The following PDLIM5 variants were observed in gnomAD, a reference collection of about 807,000 sequenced individuals.
PDLIM5 encodes the protein PDZ and LIM domain protein 5.
Under a neutral mutation model 64.2 loss-of-function variants are expected in PDLIM5, and 34 were observed. The ratio of observed to expected loss-of-function variants is 0.53; its 90% CI spans 0.40 to 0.71. The LOEUF is 0.71. Among genes scored for constraint, PDLIM5 ranks in the 30% least tolerant of loss-of-function variants. PDLIM5 has a pLI of 0.00. For missense variants in PDLIM5, 683 were observed against 733.6 expected, an observed-to-expected ratio of 0.93 and a Z score of 0.80; for synonymous variants, 253 against 269.1, an observed-to-expected ratio of 0.94 and a Z score of 0.59.
chr4:94,662,234 G>GA (rs1742790806), intron 11 of PDLIM5, among the ~76,000 whole-genome samples, 188 bp from the exon 12 acceptor site: 1 of 129,336 alleles, frequency 7.7e-6, no homozygotes, highest in African/African-American at 2.5e-5. Flanking sequence ...TATACCAAGG[G>GA]AATCCTGAAA....
intron 2 of PDLIM5, among the ~76,000 whole-genome samples, chr4:94,518,524 G>A (rs1345476994): frequency 1.3e-5 from 2 of 152,118 alleles, no homozygotes; most frequent in Non-Finnish European, 2.9e-5. Flanking sequence ...GTATGTGGAG[G>A]CTAAGCATTT....
chr4:94,580,219 G>T (rs560092230), intron 5 of PDLIM5, among the ~76,000 whole-genome samples: 1 of 152,200 alleles, frequency 6.6e-6, no homozygotes, highest in East Asian at 1.9e-4. Context: ...CATTAGATAA[G>T]AACTTAAAAT....
At chr4:94,532,071 G>A in intron 3 of PDLIM5, among the ~76,000 whole-genome samples, 1 of 151,874 alleles carries the variant, frequency 6.6e-6, no homozygotes, top group African/African-American at 2.4e-5. Flanking sequence ...TAACCCTATT[G>A]ACTATATTTG....
intron 10 of PDLIM5, among the ~76,000 whole-genome samples, chr4:94,656,442 T>A (rs1233059001): frequency 6.6e-6 from 1 of 152,012 alleles, no homozygotes; most frequent in Non-Finnish European, 1.5e-5. Context: ...GACTAGAATA[T>A]GGTCCAAATT....
chr4:94,500,799 A>G (rs1390154340), intron 2 of PDLIM5, among the ~76,000 whole-genome samples: 2 of 92,640 alleles, frequency 2.2e-5, no homozygotes, highest in East Asian at 7.4e-4. Context: ...TTATTTATTT[A>G]TTTTTAGACA....
intron 4 of PDLIM5, 31 bp downstream of exon 4, chr4:94,573,424 A>G (rs1233916660): frequency 1.3e-6 from 2 of 1,553,868 alleles, no homozygotes; most frequent in East Asian, 2.2e-5. Context: ...CCAGAGTATC[A>G]CTTGATTGTC....
intron 2 of PDLIM5, among the ~76,000 whole-genome samples, chr4:94,459,799 G>A (rs973385368): frequency 2.0e-5 from 3 of 152,192 alleles, no homozygotes; most frequent in African/African-American, 7.2e-5. Context: ...ATCCTCAAAG[G>A]ATGAAATTTA....
At chr4:94,568,879 G>A (rs972747899) in intron 3 of PDLIM5, among the ~76,000 whole-genome samples, 1 of 152,150 alleles carries the variant, frequency 6.6e-6, no homozygotes, top group Non-Finnish European at 1.5e-5. Context: ...TTATATCTTT[G>A]TTGGAATACT....
chr4:94,533,308 A>T (rs919713319), intron 3 of PDLIM5, among the ~76,000 whole-genome samples: 1 of 152,152 alleles, frequency 6.6e-6, no homozygotes, highest in Non-Finnish European at 1.5e-5. Flanking sequence ...TTTTTTTAAC[A>T]TATGAAAGTC....
Position 94,616,275 on chromosome 4 carries a change from A to C in PDLIM5, c.921-1729A>C, listed in dbSNP as rs185229105. On this transcript the variant is annotated intron_variant, in intron 7 of 12. Coordinates refer to ENST00000317968, the MANE Select transcript of PDLIM5 (RefSeq NM_006457.5). Reference sequence around the variant, plus strand: ...TTTCAAAAATCATTTATTTGTAATGAGTAAAAATGTTGAAAATAAGGCTTA... The same window carrying C: ...TTTCAAAAATCATTTATTTGTAATGCGTAAAAATGTTGAAAATAAGGCTTA... 3.5e-3 allele frequency among the ~76,000 whole-genome samples: 532 copies of C among 152,324 alleles called. 8 individuals carry two copies. Among genetic ancestry groups the C allele is most frequent in the Non-Finnish European group, 2.7e-3 (182 of 68,024 alleles).
chr4:94,533,136 A>T (rs1214533620), intron 3 of PDLIM5, among the ~76,000 whole-genome samples: 1 of 152,226 alleles, frequency 6.6e-6, no homozygotes, highest in Non-Finnish European at 1.5e-5. Flanking sequence ...TTTTTCTTCA[A>T]TTCAGTAGGC....
intron 2 of PDLIM5, among the ~76,000 whole-genome samples, chr4:94,519,826 A>G (rs1186710241): frequency 6.6e-6 from 1 of 152,154 alleles, no homozygotes; most frequent in African/African-American, 2.4e-5. Context: ...CAAGGATCTG[A>G]TTCCATTTTC....
At chr4:94,506,669 G>A (rs186100616) in intron 2 of PDLIM5, among the ~76,000 whole-genome samples, 1 of 152,314 alleles carries the variant, frequency 6.6e-6, no homozygotes, top group East Asian at 1.9e-4. Context: ...TAAACATTCA[G>A]AACATAGCAT....
At chr4:94,623,585 C>G (rs568553942) in intron 8 of PDLIM5, among the ~76,000 whole-genome samples, 1 of 151,910 alleles carries the variant, frequency 6.6e-6, no homozygotes, top group Non-Finnish European at 1.5e-5. Context: ...TTTTAGATTC[C>G]TTTGAGGACA....
At chr4:94,597,069 T>G (rs1281055774) in intron 7 of PDLIM5, among the ~76,000 whole-genome samples, 2 of 152,166 alleles carry the variant, frequency 1.3e-5, no homozygotes, top group African/African-American at 4.8e-5. Flanking sequence ...AGGTGACACC[T>G]GTTGCGGAAT....
At chr4:94,459,201 C>G (rs1478887183) in intron 2 of PDLIM5, among the ~76,000 whole-genome samples, 3 of 151,984 alleles carry the variant, frequency 2.0e-5, no homozygotes, top group Admixed American at 2.0e-4. Flanking sequence ...GTTGTTATAT[C>G]CTAAAGTTGA....
chr4:94,618,305 AT>A, intron 8 of PDLIM5, 114 bp downstream of exon 8: 1 of 609,498 alleles, frequency 1.6e-6, no homozygotes, highest in Non-Finnish European at 2.7e-6. Flanking sequence ...ATAACCTAAG[AT>A]TTAGAAAGGA....
At chr4:94,511,155 A>G (rs1728835402) in intron 2 of PDLIM5, among the ~76,000 whole-genome samples, 1 of 152,194 alleles carries the variant, frequency 6.6e-6, no homozygotes, top group Admixed American at 6.5e-5. Flanking sequence ...ATAGTGCTAG[A>G]ATTGGCCTCA....
At chr4:94,560,575 T>C (rs1733747424) in intron 3 of PDLIM5, among the ~76,000 whole-genome samples, 1 of 152,224 alleles carries the variant, frequency 6.6e-6, no homozygotes, top group Non-Finnish European at 1.5e-5. Context: ...GCAAGGAAAC[T>C]GAGAGGTTAA....
Sources: gnomAD v4.1 joint callset for allele counts (sites outside exome capture counted in the v4.1 genomes callset) on GRCh38, gnomAD v4.1.1 for gene constraint, MANE v1.5 for transcripts, NCBI Gene and HGNC (gene_info 2026-07-23, HGNC 2026-07-21) for gene names.